Variants in SCN2A observed in about 807,000 individuals in gnomAD.
SCN2A encodes sodium voltage-gated channel alpha subunit 2.
Under a neutral mutation model 188.7 loss-of-function variants are expected in SCN2A, and 20 were observed. The observed-to-expected ratio is 0.11, with a 90% CI of 0.07 to 0.15. The LOEUF (loss-of-function observed/expected upper bound fraction) is 0.15. SCN2A is among the 10% of genes least tolerant of loss of function. The pLI is 1.00. For missense variants in SCN2A, 1,278 were observed against 2,445.0 expected (o/e 0.52, Z 10.07); for synonymous variants, 804 against 833.1 (o/e 0.97, Z 0.60).
rs544769596 is a variant in SCN2A, at chr2:165,333,739, GA to G, written c.2388+2172del. Among the ~76,000 whole-genome samples, 673 of 151,414 alleles carry G rather than the reference GA, an allele frequency of 4.4e-3. 3 individuals are homozygous for G. The highest frequency in any genetic ancestry group is 0.015 in the African/African-American group (641 of 41,384). On this transcript the variant is annotated intron_variant, in intron 14 of 26. Transcript: ENST00000375437. Reference sequence around the variant, plus strand: ...ATTTAAGCTCCTTTTTAATAAACTAGATAAAGAATAGCAAATTAAACCTGAA... The same window carrying G: ...ATTTAAGCTCCTTTTTAATAAACTAGTAAAGAATAGCAAATTAAACCTGAA...
chr2:165,286,298 G>T (rs1281559063), intron 1 of SCN2A, among the ~76,000 whole-genome samples: 2 of 152,104 alleles, frequency 1.3e-5, no homozygotes, highest in African/African-American at 4.8e-5. Flanking sequence ...GCTGAACATG[G>T]GGCTCACCAT....
chr2:165,374,043 C>T (rs1701185339), intron 21 of SCN2A, among the ~76,000 whole-genome samples: 1 of 152,028 alleles, frequency 6.6e-6, no homozygotes, highest in Non-Finnish European at 1.5e-5. Flanking sequence ...GATACTAGCT[C>T]ATATTTTCTA....
At chr2:165,360,369 G>A (rs941159474) in intron 17 of SCN2A, among the ~76,000 whole-genome samples, 1 of 151,946 alleles carries the variant, frequency 6.6e-6, no homozygotes, top group Admixed American at 6.6e-5. Context: ...GAAAGCATAA[G>A]TTGGAAGTAT....
intron 1 of SCN2A, among the ~76,000 whole-genome samples, chr2:165,283,459 A>G (rs1695672441): frequency 6.6e-6 from 1 of 152,228 alleles, no homozygotes; most frequent in Admixed American, 6.5e-5. Context: ...AGTTCCTTGT[A>G]AATGTGTAAG....
chr2:165,263,738 A>G (rs1694711499), intron 1 of SCN2A, among the ~76,000 whole-genome samples: 2 of 151,872 alleles, frequency 1.3e-5, no homozygotes, highest in African/African-American at 2.4e-5. Flanking sequence ...TATTTTTTCT[A>G]GTTCTATGAA....
intron 11 of SCN2A, 142 bp downstream of exon 11, chr2:165,315,900 C>A: frequency 9.8e-7 from 1 of 1,019,174 alleles, no homozygotes. Context: ...TTTTGGCTAT[C>A]ACTTCAGAGA....
At chr2:165,288,659 T>C (rs1476732844) in intron 1 of SCN2A, among the ~76,000 whole-genome samples, 1 of 151,986 alleles carries the variant, frequency 6.6e-6, no homozygotes, top group African/African-American at 2.4e-5. Context: ...CAGAACTGTC[T>C]CCCCATTATG....
At chr2:165,370,398 A>G in intron 20 of SCN2A, 99 bp downstream of exon 20, 1 of 1,166,854 alleles carries the variant, frequency 8.6e-7, no homozygotes, top group East Asian at 2.3e-5. Flanking sequence ...ACACTGTATC[A>G]GCCCAAATAT....
chr2:165,370,461 A>G, intron 20 of SCN2A, 162 bp downstream of exon 20: 3 of 713,170 alleles, frequency 4.2e-6, no homozygotes, highest in South Asian at 3.1e-5. Context: ...ATTTTTTACC[A>G]ATTTAAATAC....
chr2:165,337,828 T>C (rs574365050), intron 14 of SCN2A, among the ~76,000 whole-genome samples: 1 of 152,302 alleles, frequency 6.6e-6, no homozygotes, highest in Admixed American at 6.5e-5. Context: ...AGGAAAAATA[T>C]CAGATGGAAA....
intron 1 of SCN2A, among the ~76,000 whole-genome samples, chr2:165,251,113 G>A (rs143336316): frequency 2.6e-4 from 40 of 152,098 alleles, no homozygotes; most frequent in African/African-American, 8.9e-4. Context: ...ACAAATACAG[G>A]AAAACGTTTC....
At chr2:165,257,377 A>T (rs940098126) in intron 1 of SCN2A, among the ~76,000 whole-genome samples, 1 of 152,216 alleles carries the variant, frequency 6.6e-6, no homozygotes, top group Admixed American at 6.5e-5. Context: ...CCAGAAAAGC[A>T]ATTATCACAA....
At chr2:165,349,507 T>C (rs1308304197) in intron 16 of SCN2A, among the ~76,000 whole-genome samples, 3 of 152,134 alleles carry the variant, frequency 2.0e-5, no homozygotes, top group East Asian at 3.9e-4. Context: ...CTCTAATGTA[T>C]AAATGTGCAG....
At chr2:165,284,419 T>G (rs1047452970) in intron 1 of SCN2A, among the ~76,000 whole-genome samples, 1 of 152,126 alleles carries the variant, frequency 6.6e-6, no homozygotes, top group African/African-American at 2.4e-5. Context: ...TCTGCCCACC[T>G]CGGCCTCCCA....
rs1170941741 is a variant in SCN2A, at chr2:165,252,808, GAA to G, written c.-52+13169_-52+13170del. Reference sequence around the variant, plus strand: ...TTTAAGGGTGGTATGATCTGACAGAGAATGTTCCACTCTGAGACCAGCCTGCT... The same window carrying G: ...TTTAAGGGTGGTATGATCTGACAGAGTGTTCCACTCTGAGACCAGCCTGCT... On this transcript the variant is annotated intron_variant, in intron 1 of 26. Coordinates refer to ENST00000375437, the MANE Select transcript of SCN2A (RefSeq NM_001040142.2). 2.6e-5 allele frequency among the ~76,000 whole-genome samples: 4 copies of G among 152,022 alleles called. No homozygotes were observed. The South Asian group carries it at 6.2e-4, about 24-fold the overall frequency.
chr2:165,267,606 C>G (rs1022778501), intron 1 of SCN2A: 7 of 151,530 alleles, frequency 4.6e-5, no homozygotes, highest in African/African-American at 1.2e-4. Flanking sequence ...AATCTGACCC[C>G]AAAATCACAG....
intron 1 of SCN2A, among the ~76,000 whole-genome samples, chr2:165,254,235 T>C (rs1306019850): frequency 6.6e-6 from 1 of 151,794 alleles, no homozygotes; most frequent in Non-Finnish European, 1.5e-5. Context: ...TTTGGCCCAT[T>C]AATGTCATGT....
intron 1 of SCN2A, chr2:165,267,359 A>G (rs1694914279): frequency 6.6e-6 from 1 of 152,042 alleles, no homozygotes; most frequent in African/African-American, 2.4e-5. Context: ...TGGTCAATAA[A>G]TCTTTGACAA....
Position 165,296,439 on chromosome 2 carries a change from G to A in SCN2A, c.267+349G>A. 3 of 272,566 alleles carry A rather than the reference G, an allele frequency of 1.1e-5. No individual in the cohort carries two copies. In the South Asian group the frequency reaches 1.4e-4, roughly 13 times the overall value. 16.9% of individuals were successfully genotyped at this position (272,566 alleles called of 1,614,324 possible). A position where few individuals can be genotyped will look rare whatever the true frequency, so the allele number is the denominator to read the frequency against. On this transcript the variant is annotated intron_variant, in intron 2 of 26. Coordinates refer to ENST00000375437, the MANE Select transcript of SCN2A (RefSeq NM_001040142.2). ...TTGAGAAGCAAAAACTGTAAACTAG[G>A]AGTCTATTTAAATTTTATTTTTTAT...
Sources: gnomAD v4.1 joint callset for allele counts (sites outside exome capture counted in the v4.1 genomes callset) on GRCh38, gnomAD v4.1.1 for gene constraint, MANE v1.5 for transcripts, NCBI Gene and HGNC (gene_info 2026-07-23, HGNC 2026-07-21) for gene names.